Variants in ADAMTSL3 observed in about 807,000 individuals in gnomAD.
ADAMTSL3 encodes ADAMTS-like protein 3.
In ADAMTSL3, 128 loss-of-function variants were observed where a neutral mutation model predicts 201.7. That is an observed-to-expected ratio of 0.63 (90% CI 0.55 to 0.73). The LOEUF (loss-of-function observed/expected upper bound fraction) is 0.73, where lower values mean the gene tolerates loss of function less well. Ranked by LOEUF, ADAMTSL3 falls within the 30% of genes least tolerant of loss-of-function variation. The pLI, the probability that ADAMTSL3 is intolerant of heterozygous loss-of-function variation, is 0.00. For synonymous variants in ADAMTSL3, 738 were observed against 748.4 expected, an observed-to-expected ratio of 0.99 and a Z score of 0.23; for missense variants, 1,990 against 2,119.6, an observed-to-expected ratio of 0.94 and a Z score of 1.20.
At chr15:84,025,178 C>A in intron 26 of ADAMTSL3, 60 bp from the exon 27 acceptor site, 1 of 1,439,612 alleles carries the variant, frequency 6.9e-7, no homozygotes, top group Non-Finnish European at 9.4e-7. Flanking sequence ...TTTGATGAGA[C>A]GCCCCCTCTA....
chr15:83,969,970 C>T (rs1019073213), intron 19 of ADAMTSL3, among the ~76,000 whole-genome samples: 1 of 152,188 alleles, frequency 6.6e-6, no homozygotes, highest in Non-Finnish European at 1.5e-5. Context: ...ATGTCTGTTA[C>T]TCCGATTGTG....
intron 4 of ADAMTSL3, among the ~76,000 whole-genome samples, chr15:83,787,895 A>G (rs139641062): frequency 1.5e-4 from 23 of 151,806 alleles, no homozygotes; most frequent in Non-Finnish European, 2.9e-4. Flanking sequence ...AGAGTTTTAT[A>G]TAACTTTGAC....
At chr15:83,868,017 A>G (rs1352182049) in intron 8 of ADAMTSL3, among the ~76,000 whole-genome samples, 1 of 152,186 alleles carries the variant, frequency 6.6e-6, no homozygotes, top group Non-Finnish European at 1.5e-5. Context: ...TACCTATCAT[A>G]TCTTCCTCAA....
intron 4 of ADAMTSL3, among the ~76,000 whole-genome samples, chr15:83,780,180 C>T (rs55776473): frequency 0.093 from 14,133 of 152,004 alleles, 815 homozygotes; most frequent in East Asian, 0.25. Context: ...GAGGCTGAGG[C>T]GGGTGGATCC....
chr15:84,000,253 T>C (rs2067768693), intron 23 of ADAMTSL3, among the ~76,000 whole-genome samples: 3 of 152,210 alleles, frequency 2.0e-5, no homozygotes, highest in Admixed American at 2.0e-4. Flanking sequence ...TTTTGAAATA[T>C]ATCCTCTCTT....
intron 3 of ADAMTSL3, among the ~76,000 whole-genome samples, chr15:83,772,748 C>T (rs2063005247): frequency 2.6e-5 from 4 of 151,370 alleles, no homozygotes; most frequent in Admixed American, 2.6e-4. Flanking sequence ...CTCTGCTGCC[C>T]AGGCTGGAGT....
At position 83,654,899 on chromosome 15, in the gene ADAMTSL3, A is replaced by G. The variant is rs959253934; in HGVS notation, c.-34+623A>G. On this transcript the variant is annotated intron_variant, in intron 1 of 29. Transcript: ENST00000286744. This position sits in a 1 kb window ranked among gnomAD's most constrained non-coding sequence, Gnocchi z 5.3. ...GCACATTTGCGGATCACATTAGACCAGGCCCTTAATGCCTTCTCCAGATGG... is the reference window on the plus strand; with the variant it reads ...GCACATTTGCGGATCACATTAGACCGGGCCCTTAATGCCTTCTCCAGATGG... Among the ~76,000 whole-genome samples the G allele has an allele frequency of 1.6e-4, 25 of 152,286 alleles. No homozygotes were observed. The highest frequency in any genetic ancestry group is 3.7e-4 in the Non-Finnish European group (25 of 68,012).
At chr15:83,877,488 A>T (rs563828688) in intron 9 of ADAMTSL3, among the ~76,000 whole-genome samples, 12 of 152,290 alleles carry the variant, frequency 7.9e-5, no homozygotes, top group Middle Eastern at 3.4e-3. Context: ...TGCCAATACC[A>T]TTGTGAGATA....
chr15:83,913,253 T>C lies in ADAMTSL3; in HGVS notation c.1862T>C (p.Leu621Pro). 4 of 1,614,118 alleles carry C rather than the reference T, an allele frequency of 2.5e-6. No individual in the cohort carries two copies. Among genetic ancestry groups the C allele is most frequent in the Non-Finnish European group, 2.5e-6 (3 of 1,180,016 alleles). ...GPKLPTERPC[L>P]LEACDESPAS... ...AAGCTGCCCACCGAACGGCCCTGCC[T>C]CCTGGAAGCATGTGATGAGAGCCCG... Residue 621 changes from leucine to proline, a missense_variant, in exon 16 of 30, where the codon CTC (leucine) becomes CCC (proline). Leu to Pro is a moderately conservative substitution (Grantham distance 98, BLOSUM62 -3). Transcript: ENST00000286744.
chr15:83,741,671 T>C (rs1372843074), intron 3 of ADAMTSL3, among the ~76,000 whole-genome samples: 1 of 152,138 alleles, frequency 6.6e-6, no homozygotes, highest in African/African-American at 2.4e-5. Context: ...CCATTGGAAC[T>C]ATAAGGTGAG....
intron 4 of ADAMTSL3, among the ~76,000 whole-genome samples, chr15:83,785,812 G>A (rs1355370766): frequency 6.9e-6 from 1 of 145,578 alleles, no homozygotes; most frequent in African/African-American, 2.5e-5. Context: ...TTCTTTTTCT[G>A]TGCACGTAGG....
intron 19 of ADAMTSL3, among the ~76,000 whole-genome samples, chr15:83,944,290 CA>C (rs2066616075): frequency 1.3e-5 from 2 of 152,174 alleles, no homozygotes; most frequent in Admixed American, 1.3e-4. Context: ...CCCTTTGCTC[CA>C]GTCTTGCTGC....
chr15:83,785,454 C>T (rs1041855094), intron 4 of ADAMTSL3, among the ~76,000 whole-genome samples: 4 of 152,092 alleles, frequency 2.6e-5, no homozygotes, highest in South Asian at 2.1e-4. Flanking sequence ...GCTTGGTGTA[C>T]GGTGTTGCTT....
chr15:83,937,430 T>A (rs1166976944), intron 17 of ADAMTSL3, among the ~76,000 whole-genome samples: 1 of 150,772 alleles, frequency 6.6e-6, no homozygotes, highest in Non-Finnish European at 1.5e-5. Flanking sequence ...ATACCACGTG[T>A]CCTCATTTAT....
At position 83,941,199 on chromosome 15, in the gene ADAMTSL3, A is replaced by G. The variant is rs998337894; in HGVS notation, c.2118-1397A>G. On this transcript the variant is annotated intron_variant, in intron 17 of 29. Coordinates refer to ENST00000286744, the MANE Select transcript of ADAMTSL3 (RefSeq NM_207517.3). ...ATTGTGAAATTTTTCCTTCATAAAT[A>G]AAACTTTTATTCTTTTGTCCTATTA... 2.0e-5 allele frequency among the ~76,000 whole-genome samples: 3 copies of G among 152,076 alleles called. No homozygotes were observed. In the East Asian group the frequency reaches 5.8e-4, roughly 29 times the overall value.
intron 2 of ADAMTSL3, among the ~76,000 whole-genome samples, chr15:83,698,685 G>T (rs969222743): frequency 6.6e-6 from 1 of 152,146 alleles, no homozygotes; most frequent in Non-Finnish European, 1.5e-5. Context: ...AATGTCCAAC[G>T]CATGTTTGGT....
intron 17 of ADAMTSL3, among the ~76,000 whole-genome samples, chr15:83,940,057 G>T (rs1378906775): frequency 6.6e-6 from 1 of 151,358 alleles, no homozygotes; most frequent in Non-Finnish European, 1.5e-5. Flanking sequence ...GATTATTATT[G>T]TCAAACTTTT....
At chr15:83,759,207 T>G (rs2141697800) in intron 3 of ADAMTSL3, among the ~76,000 whole-genome samples, 1 of 152,056 alleles carries the variant, frequency 6.6e-6, no homozygotes, top group East Asian at 1.9e-4. Context: ...CTCATGTTAA[T>G]ACTTTATCAT....
intron 11 of ADAMTSL3, 48 bp from the exon 12 acceptor site, chr15:83,891,281 T>C (rs2065494050): frequency 1.4e-6 from 2 of 1,381,620 alleles, no homozygotes; most frequent in African/African-American, 1.4e-5. Context: ...TTAATGAATG[T>C]GTTAATTTAT....
Sources: gnomAD v4.1 joint callset for allele counts (sites outside exome capture counted in the v4.1 genomes callset) on GRCh38, gnomAD v4.1.1 for gene constraint, Gnocchi (gnomAD v3.1) non-coding constraint, MANE v1.5 for transcripts, NCBI Gene and HGNC (gene_info 2026-07-23, HGNC 2026-07-21) for gene names.